The following SLC22A3 variants were observed in gnomAD, a reference collection of about 807,000 sequenced individuals.
SLC22A3 encodes the protein solute carrier family 22 member 3, also known as EMT organic cation transporter 3.
In SLC22A3, 51 loss-of-function variants were observed where a neutral mutation model predicts 59.1. That is an observed-to-expected ratio of 0.86 (90% CI 0.69 to 1.09). The LOEUF (loss-of-function observed/expected upper bound fraction) is 1.09, where lower values mean the gene tolerates loss of function less well. Ranked by LOEUF, SLC22A3 falls within the 50% of genes least tolerant of loss-of-function variation. The pLI, the probability that SLC22A3 is intolerant of heterozygous loss-of-function variation, is 0.00. For missense variants in SLC22A3, 711 were observed against 726.3 expected (o/e 0.98, Z 0.24); for synonymous variants, 325 against 292.0 (o/e 1.11, Z -1.15).
intron 5 of SLC22A3, among the ~76,000 whole-genome samples, chr6:160,434,864 A>G (rs1788279693): frequency 6.6e-6 from 1 of 152,206 alleles, no homozygotes; most frequent in Non-Finnish European, 1.5e-5. Context: ...ACAGTGATGA[A>G]AAAGATAAAA....
At position 160,436,822 on chromosome 6, in the gene SLC22A3, G is replaced by C. The variant is rs1418599213; in HGVS notation, c.1018G>C (p.Asp340His). The C allele has an allele frequency of 1.9e-6, 3 of 1,613,426 alleles. No homozygotes were observed. The African/African-American group carries it at 4.0e-5, about 22-fold the overall frequency. Reference protein sequence around the residue: ...DEEVSNPSFLDLVRTPQMRKC... With the variant: ...DEEVSNPSFLHLVRTPQMRKC... ...GGAAGTTAGTAATCCATCCTTTTTA[G>C]ATCTGGTGAGAACTCCCCAAATGAG... The change falls in exon 6 of 11, where the codon GAT (aspartate) becomes CAT (histidine). Residue 340 changes from aspartate to histidine, a missense_variant. Asp to His is a moderately conservative substitution (Grantham distance 81). Transcript: ENST00000275300.
At chr6:160,361,234 G>T (rs972115977) in intron 1 of SLC22A3, among the ~76,000 whole-genome samples, 1 of 152,160 alleles carries the variant, frequency 6.6e-6, no homozygotes, top group Non-Finnish European at 1.5e-5. Flanking sequence ...CTATCACCAT[G>T]TACAAAGGTG....
intron 5 of SLC22A3, among the ~76,000 whole-genome samples, chr6:160,419,468 A>G (rs1392733449): frequency 6.6e-6 from 1 of 152,222 alleles, no homozygotes; most frequent in Non-Finnish European, 1.5e-5. Context: ...TTGTGATCTC[A>G]GACTTCAGAT....
In SLC22A3 at chr6:160,452,114, A is replaced by G. The variant is rs1463665340; in HGVS notation, c.*1058A>G. ...TTTACAGAGACTAATAAGGGATTTG[A>G]TCTTTCTTTTTTTGTTATCGAGGCT... On this transcript the variant is annotated 3_prime_UTR_variant, in exon 11 of 11. Coordinates refer to ENST00000275300, the MANE Select transcript of SLC22A3 (RefSeq NM_021977.4). 4 of 152,146 alleles carry G rather than the reference A, an allele frequency of 2.6e-5. No individual in the cohort carries two copies. Among genetic ancestry groups the G allele is most frequent in the African/African-American group, 9.7e-5 (4 of 41,434 alleles). The allele number at this position is 152,146 out of a possible 1,614,324, so 9.4% of individuals were successfully genotyped here.
At chr6:160,448,367 T>C (rs1432443579) in intron 10 of SLC22A3, among the ~76,000 whole-genome samples, 1 of 151,986 alleles carries the variant, frequency 6.6e-6, no homozygotes, top group East Asian at 1.9e-4. Context: ...AGATAATAGG[T>C]AGATGGATGA....
At chr6:160,397,489 A>C (rs1441152824) in intron 1 of SLC22A3, among the ~76,000 whole-genome samples, 1 of 151,974 alleles carries the variant, frequency 6.6e-6, no homozygotes, top group East Asian at 1.9e-4. Context: ...TAATCCCAGC[A>C]CTTTGGGAGT....
At chr6:160,388,888 T>C (rs536524748) in intron 1 of SLC22A3, among the ~76,000 whole-genome samples, 2 of 152,330 alleles carry the variant, frequency 1.3e-5, no homozygotes, top group East Asian at 3.9e-4. Context: ...AGAGAAAGAA[T>C]TACCCCAAAG....
At chr6:160,439,168 G>A (rs1788455515) in intron 7 of SLC22A3, among the ~76,000 whole-genome samples, 1 of 152,042 alleles carries the variant, frequency 6.6e-6, no homozygotes, top group Non-Finnish European at 1.5e-5. Context: ...GAATGGAGAG[G>A]TGAACAAAAT....
At chr6:160,360,893 A>G (rs528738886) in intron 1 of SLC22A3, among the ~76,000 whole-genome samples, 92 of 152,340 alleles carry the variant, frequency 6.0e-4, no homozygotes, top group African/African-American at 2.2e-3. Context: ...GAAGAGGCCA[A>G]GGGAGTCATT....
chr6:160,358,861 CAG>C (rs1784926463), intron 1 of SLC22A3, among the ~76,000 whole-genome samples: 10 of 152,208 alleles, frequency 6.6e-5, no homozygotes, highest in Admixed American at 6.5e-4. Context: ...GACGCTGGGA[CAG>C]AGCCCTGGAC....
At chr6:160,378,776 T>C (rs933476733) in intron 1 of SLC22A3, among the ~76,000 whole-genome samples, 1 of 152,182 alleles carries the variant, frequency 6.6e-6, no homozygotes, top group Non-Finnish European at 1.5e-5. Flanking sequence ...GGCAAAATTA[T>C]CTAACACAAA....
chr6:160,349,046 T>G, intron 1 of SLC22A3, 198 bp downstream of exon 1: 1 of 985,450 alleles, frequency 1.0e-6, no homozygotes, highest in Non-Finnish European at 1.2e-6. Flanking sequence ...CCTTTCGTTA[T>G]CTGCCTGAGC....
At chr6:160,356,961 G>C (rs1197591529) in intron 1 of SLC22A3, among the ~76,000 whole-genome samples, 1 of 152,084 alleles carries the variant, frequency 6.6e-6, no homozygotes, top group African/African-American at 2.4e-5. Flanking sequence ...AATTAGTGAG[G>C]GGTGAAGTTT....
In SLC22A3 at chr6:160,420,752, C is replaced by T. The variant is rs774588561; in HGVS notation, c.975+9906C>T. On this transcript the variant is annotated intron_variant, in intron 5 of 10. Coordinates refer to ENST00000275300, the MANE Select transcript of SLC22A3 (RefSeq NM_021977.4). Reference sequence around the variant, plus strand: ...CAGTCCTCATCTCCCCAGTTATGCTCAGAGGAAGATTCCAAAGGTCTACAC... The same window carrying T: ...CAGTCCTCATCTCCCCAGTTATGCTTAGAGGAAGATTCCAAAGGTCTACAC... Among the ~76,000 whole-genome samples, 28 of 152,174 alleles carry T rather than the reference C, an allele frequency of 1.8e-4. 1 individual carries two copies. The highest frequency in any genetic ancestry group is 7.4e-5 in the Non-Finnish European group (5 of 68,022).
At chr6:160,396,941 G>A (rs1786496349) in intron 1 of SLC22A3, among the ~76,000 whole-genome samples, 1 of 151,946 alleles carries the variant, frequency 6.6e-6, no homozygotes, top group Non-Finnish European at 1.5e-5. Context: ...CATTACATTA[G>A]AATAAAAGTC....
intron 1 of SLC22A3, among the ~76,000 whole-genome samples, chr6:160,394,648 C>T (rs1786399706): frequency 1.3e-5 from 2 of 152,184 alleles, no homozygotes; most frequent in South Asian, 4.1e-4. Flanking sequence ...AGATCCCAGT[C>T]ACAAAAACAG....
chr6:160,429,650 A>G (rs1273398992), intron 5 of SLC22A3, among the ~76,000 whole-genome samples: 2 of 152,178 alleles, frequency 1.3e-5, no homozygotes, highest in South Asian at 2.1e-4. Context: ...GGGCTTGTTC[A>G]GCAGGCTCCC....
At chr6:160,425,567 CTTTA>C (rs377491995) in intron 5 of SLC22A3, among the ~76,000 whole-genome samples, 3 of 151,926 alleles carry the variant, frequency 2.0e-5, no homozygotes, top group Non-Finnish European at 4.4e-5. Context: ...AATAATAGGT[CTTTA>C]TTTAACTATA....
chr6:160,438,712 G>T (rs1369451070), intron 7 of SLC22A3, among the ~76,000 whole-genome samples: 1 of 151,914 alleles, frequency 6.6e-6, no homozygotes. Flanking sequence ...GAGTGCATTC[G>T]CTTCCCAGGG....
Sources: allele counts gnomAD v4.1 joint callset (sites outside exome capture counted in the v4.1 genomes callset), GRCh38; gene constraint gnomAD v4.1.1; transcripts MANE v1.5; gene names NCBI Gene and HGNC (gene_info 2026-07-23, HGNC 2026-07-21).